NOL4L: variants seen among roughly 807,000 people sequenced by gnomAD.
The protein encoded by NOL4L is nucleolar protein 4 like, also known as nucleolar protein 4-like.
NOL4L carries 7 observed loss-of-function variants against 64.5 expected under a neutral mutation model. That is an observed-to-expected ratio of 0.11 (90% CI 0.06 to 0.20). The LOEUF is 0.20. Ranked by LOEUF, NOL4L falls within the 10% of genes least tolerant of loss-of-function variation. The probability of loss-of-function intolerance (pLI) is 1.00; values close to 1 mark genes in which losing one functional copy is unlikely to be tolerated. For synonymous variants in NOL4L, 413 were observed against 401.0 expected, an observed-to-expected ratio of 1.03 and a Z score of -0.36; for missense variants, 680 against 967.1, an observed-to-expected ratio of 0.70 and a Z score of 3.94.
intron 3 of NOL4L, among the ~76,000 whole-genome samples, chr20:32,515,362 T>C (rs1287716716): frequency 6.6e-6 from 1 of 151,780 alleles, no homozygotes. Flanking sequence ...GAGAGTTCTG[T>C]GGGGGAGGGA....
intron 4 of NOL4L, among the ~76,000 whole-genome samples, chr20:32,488,131 T>C (rs148318603): frequency 0.013 from 1,963 of 152,270 alleles, 51 homozygotes; most frequent in African/African-American, 0.045. Context: ...AGTTTTACCA[T>C]GTTGTCCAGG....
chr20:32,584,912 C>G lies in NOL4L; in HGVS notation c.-22G>C, dbSNP rs1158313441. ...GCATCCTCCCGCCGCGCCCGGCGCCCTCGGGGGCGGGCCGGCCGCCGGGCC... is the reference window on the plus strand; with the variant it reads ...GCATCCTCCCGCCGCGCCCGGCGCCGTCGGGGGCGGGCCGGCCGCCGGGCC... On this transcript the variant is annotated 5_prime_UTR_variant, in exon 1 of 11. Coordinates refer to ENST00000621426, the MANE Select transcript of NOL4L (RefSeq NM_001256798.2). 1 of 1,197,854 alleles carries G rather than the reference C, an allele frequency of 8.3e-7. No individual in the cohort carries two copies. Among genetic ancestry groups the G allele is most frequent in the East Asian group, 3.5e-5 (1 of 28,402 alleles). The allele number at this position is 1,197,854 out of a possible 1,614,324, so 74.2% of individuals were successfully genotyped here. A position where few individuals can be genotyped will look rare whatever the true frequency, so the allele number is the denominator to read the frequency against.
intron 4 of NOL4L, among the ~76,000 whole-genome samples, chr20:32,487,278 TAA>T (rs954219276): frequency 6.6e-6 from 1 of 150,448 alleles, no homozygotes; most frequent in African/African-American, 2.5e-5. Context: ...CAAAAAAAAT[TAA>T]AGAGAGAGAA....
At chr20:32,498,271 A>T (rs1357585768) in intron 4 of NOL4L, among the ~76,000 whole-genome samples, 1 of 152,200 alleles carries the variant, frequency 6.6e-6, no homozygotes, top group African/African-American at 2.4e-5. Context: ...AAAACAGAGG[A>T]AATGCTCATT....
chr20:32,523,481 T>C (rs184084742), intron 2 of NOL4L, among the ~76,000 whole-genome samples: 36 of 152,176 alleles, frequency 2.4e-4, no homozygotes, highest in Non-Finnish European at 4.7e-4. Flanking sequence ...CCATTTCTGA[T>C]TGAGTGCACG....
chr20:32,580,151 T>C (rs1278911539), intron 1 of NOL4L, among the ~76,000 whole-genome samples: 1 of 152,210 alleles, frequency 6.6e-6, no homozygotes, highest in Non-Finnish European at 1.5e-5. Flanking sequence ...GGCATTGGTG[T>C]GGACTAGGGG....
chr20:32,474,562 G>A (rs1484187896), intron 5 of NOL4L, 39 bp downstream of exon 5: 7 of 1,587,428 alleles, frequency 4.4e-6, no homozygotes, highest in Middle Eastern at 2.2e-4. Flanking sequence ...CAGGGGGCCG[G>A]GCACAGCCCC....
chr20:32,453,252 G>C lies in NOL4L; in HGVS notation c.1497+52C>G. On this transcript the variant is annotated intron_variant, in intron 8 of 10. Coordinates refer to ENST00000621426, the MANE Select transcript of NOL4L (RefSeq NM_001256798.2). This position sits in a 1 kb window ranked among gnomAD's most constrained non-coding sequence, Gnocchi z 5.6. ...CCCGGGCATCCTGGGAGTGTGGCAG[G>C]AGGTCAGTAGTGGCACCGAGGGAAA... 1 of 1,581,458 alleles carries C rather than the reference G, an allele frequency of 6.3e-7. No homozygotes were observed. Among genetic ancestry groups the C allele is most frequent in the Non-Finnish European group, 8.6e-7 (1 of 1,158,932 alleles).
chr20:32,568,011 TCATCATCACCAC>T (rs920713752), intron 1 of NOL4L, among the ~76,000 whole-genome samples: 5 of 151,448 alleles, frequency 3.3e-5, no homozygotes, highest in African/African-American at 4.9e-5. Flanking sequence ...TTCATCACCA[TCATCATCACCAC>T]CATCATCACC....
intron 3 of NOL4L, among the ~76,000 whole-genome samples, chr20:32,516,810 T>C (rs2017686646): frequency 6.6e-6 from 1 of 152,244 alleles, no homozygotes; most frequent in Non-Finnish European, 1.5e-5. Flanking sequence ...AGTCTGGGCC[T>C]GGTTGTGAAG....
chr20:32,530,865 G>C (rs539133216), intron 1 of NOL4L, among the ~76,000 whole-genome samples: 1 of 151,948 alleles, frequency 6.6e-6, no homozygotes, highest in Non-Finnish European at 1.5e-5. Context: ...AGGTTGCAGT[G>C]AGCTGAGATC....
chr20:32,538,261 T>A (rs1021391106), intron 1 of NOL4L, among the ~76,000 whole-genome samples: 1 of 152,078 alleles, frequency 6.6e-6, no homozygotes, highest in African/African-American at 2.4e-5. Flanking sequence ...GAGGGTTCAG[T>A]CCCCTCAGGC....
chr20:32,495,927 A>G (rs1362461316), intron 4 of NOL4L, among the ~76,000 whole-genome samples: 3 of 152,126 alleles, frequency 2.0e-5, no homozygotes, highest in Non-Finnish European at 2.9e-5. Flanking sequence ...ACTGCACCCC[A>G]ATAAAAGAAG....
At chr20:32,472,254 G>T (rs903849503) in intron 5 of NOL4L, among the ~76,000 whole-genome samples, 1 of 152,222 alleles carries the variant, frequency 6.6e-6, no homozygotes, top group Non-Finnish European at 1.5e-5. Flanking sequence ...ACCGACAATG[G>T]GCCATGTTCG....
intron 2 of NOL4L, among the ~76,000 whole-genome samples, chr20:32,524,619 G>C (rs759314194): frequency 6.6e-6 from 1 of 152,194 alleles, no homozygotes. Context: ...CACAGAGATA[G>C]ATCCAAAAAG....
At chr20:32,456,038 T>C (rs1334312606) in intron 6 of NOL4L, 80 bp downstream of exon 6, 2 of 1,394,442 alleles carry the variant, frequency 1.4e-6, no homozygotes, top group Non-Finnish European at 1.9e-6. Context: ...CCAGCTAAGC[T>C]CTGGGCGTAT....
intron 4 of NOL4L, among the ~76,000 whole-genome samples, chr20:32,507,654 G>C (rs556114639): frequency 1.3e-5 from 2 of 152,256 alleles, no homozygotes; most frequent in South Asian, 4.2e-4. Flanking sequence ...GAAATAAACA[G>C]ATTATTGAGA....
intron 1 of NOL4L, among the ~76,000 whole-genome samples, chr20:32,578,151 G>GGAGGGAGT (rs1980243642): frequency 7.8e-6 from 1 of 127,906 alleles, no homozygotes; most frequent in African/African-American, 3.2e-5. Flanking sequence ...AGGGAGGGAG[G>GGAGGGAGT]GAGGGAGGGA....
At chr20:32,557,337 T>C (rs78296948) in intron 1 of NOL4L, among the ~76,000 whole-genome samples, 3,723 of 152,340 alleles carry the variant, frequency 0.024, 165 homozygotes, top group African/African-American at 0.085. Flanking sequence ...CAAGTGCTCA[T>C]TGTAGCTAAT....
Sources: allele counts gnomAD v4.1 joint callset (sites outside exome capture counted in the v4.1 genomes callset), GRCh38; gene constraint gnomAD v4.1.1; non-coding constraint Gnocchi (gnomAD v3.1); transcripts MANE v1.5; gene names NCBI Gene and HGNC (gene_info 2026-07-23, HGNC 2026-07-21).